Variants in SLC9A9 observed in about 807,000 individuals in gnomAD.
The protein encoded by SLC9A9 is solute carrier family 9 member A9, also known as sodium/hydrogen exchanger 9.
In SLC9A9, 62 loss-of-function variants were observed where a neutral mutation model predicts 77.8. The ratio of observed to expected loss-of-function variants is 0.80; its 90% CI spans 0.65 to 0.98. SLC9A9 has a LOEUF of 0.98. Among genes scored for constraint, SLC9A9 ranks in the 50% least tolerant of loss-of-function variants. SLC9A9 has a pLI of 0.00. For missense variants in SLC9A9, 775 were observed against 774.9 expected, an observed-to-expected ratio of 1.00 and a Z score of 0.00; for synonymous variants, 320 against 283.5, an observed-to-expected ratio of 1.13 and a Z score of -1.29.
In SLC9A9 at chr3:143,270,421, G is replaced by T. The variant is rs140312246; in HGVS notation, c.1605-1441C>A. Among the ~76,000 whole-genome samples the T allele has an allele frequency of 1.8e-4, 28 of 152,320 alleles. 1 individual carries two copies. The East Asian group carries it at 5.2e-3, about 28-fold the overall frequency. On this transcript the variant is annotated intron_variant, in intron 14 of 15. Coordinates refer to ENST00000316549, the MANE Select transcript of SLC9A9 (RefSeq NM_173653.4). ...AATTCTCAGGGCAGGGTCAGGGTTT[G>T]CAACCAGCTGGGTTTTCTGGAGAGC... is the stretch of plus-strand genomic sequence containing the variant.
At chr3:143,769,742 A>G (rs74783560) in intron 4 of SLC9A9, among the ~76,000 whole-genome samples, 4,996 of 152,258 alleles carry the variant, frequency 0.033, 254 homozygotes, top group African/African-American at 0.11. Flanking sequence ...AAGTACAGCA[A>G]TTTGTATTAG....
chr3:143,749,615 T>C (rs925204368), intron 4 of SLC9A9, among the ~76,000 whole-genome samples: 8 of 152,228 alleles, frequency 5.3e-5, no homozygotes, highest in Non-Finnish European at 1.5e-5. Flanking sequence ...TTTTGTCATA[T>C]GTTAACGCTA....
At chr3:143,421,975 A>T (rs2034304947) in intron 12 of SLC9A9, among the ~76,000 whole-genome samples, 1 of 152,226 alleles carries the variant, frequency 6.6e-6, no homozygotes. Flanking sequence ...GTGGACAATA[A>T]ACATATGAAA....
At chr3:143,280,822 G>T (rs1239843691) in intron 14 of SLC9A9, among the ~76,000 whole-genome samples, 1 of 152,154 alleles carries the variant, frequency 6.6e-6, no homozygotes, top group Admixed American at 6.5e-5. Context: ...CAAAGTGCTA[G>T]AATTACAGGC....
intron 6 of SLC9A9, among the ~76,000 whole-genome samples, chr3:143,580,314 T>A (rs2037431276): frequency 6.6e-6 from 1 of 152,038 alleles, no homozygotes; most frequent in Non-Finnish European, 1.5e-5. Context: ...CAGACAAAGG[T>A]TTTTGCACAG....
At chr3:143,351,506 C>T (rs2032453744) in intron 14 of SLC9A9, among the ~76,000 whole-genome samples, 1 of 152,132 alleles carries the variant, frequency 6.6e-6, no homozygotes, top group Admixed American at 6.5e-5. Flanking sequence ...GCATCAACTT[C>T]TGTTTGTTGG....
At chr3:143,739,442 G>A (rs1283922746) in intron 4 of SLC9A9, among the ~76,000 whole-genome samples, 1 of 152,186 alleles carries the variant, frequency 6.6e-6, no homozygotes, top group Non-Finnish European at 1.5e-5. Flanking sequence ...GCTAGAAAGT[G>A]TTAGCGCTGA....
At chr3:143,810,009 G>A (rs539175669) in intron 2 of SLC9A9, among the ~76,000 whole-genome samples, 1 of 152,302 alleles carries the variant, frequency 6.6e-6, no homozygotes, top group Middle Eastern at 3.4e-3. Flanking sequence ...CTCCAACTCT[G>A]AGATGGAAAC....
At chr3:143,707,401 C>CA (rs1491256599) in intron 4 of SLC9A9, among the ~76,000 whole-genome samples, 20 of 147,258 alleles carry the variant, frequency 1.4e-4, no homozygotes, top group African/African-American at 5.3e-4. Flanking sequence ...CACACACACA[C>CA]CCCAGCTGGG....
chr3:143,565,085 A>G lies in SLC9A9; in HGVS notation c.1000+9003T>C, dbSNP rs141586155. On this transcript the variant is annotated intron_variant, in intron 8 of 15. Coordinates refer to ENST00000316549, the MANE Select transcript of SLC9A9 (RefSeq NM_173653.4). The stretch of plus-strand genomic sequence containing the variant: ...ATGTTGCCTAAATCTGTGATCAGCA[A>G]TCTCACCCCAGAAGTCCAGGCCAGT... 2.6e-3 allele frequency among the ~76,000 whole-genome samples: 396 copies of G among 152,238 alleles called. 1 individual carries two copies. The highest frequency in any genetic ancestry group is 6.8e-3 in the Middle Eastern group (2 of 294).
chr3:143,380,670 T>G (rs2033282223), intron 13 of SLC9A9, among the ~76,000 whole-genome samples: 1 of 152,182 alleles, frequency 6.6e-6, no homozygotes. Context: ...TGCAGTTAGG[T>G]GTGTTTCCTG....
Position 143,459,491 on chromosome 3 carries a change from G to A in SLC9A9, c.1469+7546C>T, listed in dbSNP as rs74964524. Among the ~76,000 whole-genome samples, 918 of 152,216 alleles carry A rather than the reference G, an allele frequency of 6.0e-3. 21 individuals carry two copies. In the East Asian group the frequency reaches 0.093, roughly 15 times the overall value. Reference sequence around the variant, plus strand: ...TGCTGGTTGTTCCAATGTCAGTTAAGTTTGAAAGTCTTTGCAGTTGTCTTT... The same window carrying A: ...TGCTGGTTGTTCCAATGTCAGTTAAATTTGAAAGTCTTTGCAGTTGTCTTT... On this transcript the variant is annotated intron_variant, in intron 12 of 15. Coordinates refer to ENST00000316549, the MANE Select transcript of SLC9A9 (RefSeq NM_173653.4).
chr3:143,785,364 G>A (rs1288802144), intron 4 of SLC9A9, among the ~76,000 whole-genome samples: 1 of 152,190 alleles, frequency 6.6e-6, no homozygotes, highest in Non-Finnish European at 1.5e-5. Flanking sequence ...GGAATGAGAA[G>A]CTACATGGAT....
At chr3:143,777,063 A>G (rs2007715090) in intron 4 of SLC9A9, among the ~76,000 whole-genome samples, 1 of 152,206 alleles carries the variant, frequency 6.6e-6, no homozygotes, top group Middle Eastern at 3.2e-3. Context: ...AAATAGGGTC[A>G]CTAAAGGGCA....
chr3:143,644,583 A>G (rs564860407), intron 6 of SLC9A9, among the ~76,000 whole-genome samples: 1 of 152,306 alleles, frequency 6.6e-6, no homozygotes, highest in Admixed American at 6.5e-5. Context: ...GGGTGTGGGC[A>G]GCACACCGAG....
At chr3:143,449,895 T>C (rs1345559636) in intron 12 of SLC9A9, among the ~76,000 whole-genome samples, 9 of 63,814 alleles carry the variant, frequency 1.4e-4, no homozygotes, top group Non-Finnish European at 2.0e-4. Context: ...TATATAATTA[T>C]ATAACATATA....
chr3:143,660,687 G>A (rs527918808), intron 5 of SLC9A9, among the ~76,000 whole-genome samples: 22 of 152,252 alleles, frequency 1.4e-4, no homozygotes, highest in Non-Finnish European at 2.4e-4. Flanking sequence ...CAATAAGAAC[G>A]ACAAAACAGT....
chr3:143,299,150 G>T (rs2030407790), intron 14 of SLC9A9, among the ~76,000 whole-genome samples: 1 of 152,090 alleles, frequency 6.6e-6, no homozygotes, highest in Non-Finnish European at 1.5e-5. Flanking sequence ...TGTGGAAAGA[G>T]CATTTAAAAT....
chr3:143,717,946 T>G (rs898629364), intron 4 of SLC9A9, among the ~76,000 whole-genome samples: 2 of 152,174 alleles, frequency 1.3e-5, no homozygotes, highest in Admixed American at 1.3e-4. Flanking sequence ...GGTTAGTAGA[T>G]CTACACTTCA....
Sources: gnomAD v4.1 joint callset for allele counts (sites outside exome capture counted in the v4.1 genomes callset) on GRCh38, gnomAD v4.1.1 for gene constraint, MANE v1.5 for transcripts, NCBI Gene and HGNC (gene_info 2026-07-23, HGNC 2026-07-21) for gene names.